Variants in ROCK1 observed in about 807,000 individuals in gnomAD.
ROCK1 encodes rho-associated protein kinase 1.
In ROCK1, 36 loss-of-function variants were observed where a neutral mutation model predicts 196.8. The ratio of observed to expected loss-of-function variants is 0.18; its 90% CI spans 0.14 to 0.24. The LOEUF (loss-of-function observed/expected upper bound fraction) is 0.24. Among genes scored for constraint, ROCK1 ranks in the 10% least tolerant of loss-of-function variants. The probability of loss-of-function intolerance (pLI) is 1.00; values close to 1 mark genes in which losing one functional copy is unlikely to be tolerated. For missense variants in ROCK1, 920 were observed against 1,562.0 expected (o/e 0.59, Z 6.93); for synonymous variants, 443 against 515.9 (o/e 0.86, Z 1.91).
At chr18:20,998,560 C>T (rs918032288) in intron 16 of ROCK1, among the ~76,000 whole-genome samples, 1 of 151,100 alleles carries the variant, frequency 6.6e-6, no homozygotes, top group Non-Finnish European at 1.5e-5. Flanking sequence ...AAATAAAAGC[C>T]CAGGACTGAA....
At chr18:21,110,406 C>G (rs1000272020) in intron 1 of ROCK1, among the ~76,000 whole-genome samples, 1 of 151,616 alleles carries the variant, frequency 6.6e-6, no homozygotes, top group Non-Finnish European at 1.5e-5. Flanking sequence ...AGCTAAATCG[C>G]AAAAAGGAAA....
intron 21 of ROCK1, among the ~76,000 whole-genome samples, chr18:20,980,594 A>T (rs565550807): frequency 6.6e-6 from 1 of 152,200 alleles, no homozygotes; most frequent in Non-Finnish European, 1.5e-5. Context: ...ACTAACCAGT[A>T]CACTTAAAAT....
chr18:20,954,671 A>G, intron 31 of ROCK1, 112 bp downstream of exon 31: 1 of 1,100,912 alleles, frequency 9.1e-7, no homozygotes, highest in Non-Finnish European at 1.3e-6. Context: ...TCAAAATAAT[A>G]CTTTCTATAA....
intron 16 of ROCK1, among the ~76,000 whole-genome samples, chr18:20,994,772 C>G (rs1341131593): frequency 6.6e-6 from 1 of 152,142 alleles, no homozygotes; most frequent in Non-Finnish European, 1.5e-5. Context: ...CTCATTTACT[C>G]TGTCTGAAAA....
At position 21,027,983 on chromosome 18, in the gene ROCK1, G is replaced by A. The variant is rs1306170931; in HGVS notation, c.1211+793C>T. The stretch of plus-strand genomic sequence containing the variant: ...TCACCGTGTTAGCCAGGATGGTCTC[G>A]ATCTCCTGACCTCGTGATCCGCCCG... On this transcript the variant is annotated intron_variant, in intron 10 of 32. Transcript: ENST00000399799. 4.8e-5 allele frequency among the ~76,000 whole-genome samples: 7 copies of A among 144,840 alleles called. No individual in the cohort carries two copies. In the South Asian group the frequency reaches 6.5e-4, roughly 14 times the overall value.
intron 2 of ROCK1, among the ~76,000 whole-genome samples, chr18:21,061,051 GACA>G (rs2036285549): frequency 6.6e-6 from 1 of 151,084 alleles, no homozygotes; most frequent in South Asian, 2.1e-4. Context: ...ACACAACATG[GACA>G]ACATGAAGGA....
rs887191514 is a variant in ROCK1 at position 20,949,469 on chromosome 18, A to T, written c.*1915T>A. 1.3e-5 allele frequency: 2 copies of T among 152,374 alleles called. No homozygotes were observed. Among genetic ancestry groups the T allele is most frequent in the African/African-American group, 4.8e-5 (2 of 41,476 alleles). 9.4% of individuals were successfully genotyped at this position (152,374 alleles called of 1,614,324 possible). A position where few individuals can be genotyped will look rare whatever the true frequency, so the allele number is the denominator to read the frequency against. On this transcript the variant is annotated 3_prime_UTR_variant, in exon 33 of 33. Coordinates refer to ENST00000399799, the MANE Select transcript of ROCK1 (RefSeq NM_005406.3). The stretch of plus-strand genomic sequence containing the variant: ...AGTGGCCCAGGTGGGTGCTGAGCAC[A>T]CAGTGGGTTTGCATCATAGGTGGGA...
At chr18:20,984,779 C>A (rs1342194417) in intron 19 of ROCK1, among the ~76,000 whole-genome samples, 1 of 151,822 alleles carries the variant, frequency 6.6e-6, no homozygotes, top group South Asian at 2.1e-4. Flanking sequence ...TCCTTTCTAC[C>A]CCAATCAGCA....
In ROCK1 at chr18:20,947,322, G is replaced by C. The variant is rs1214854797; in HGVS notation, c.*4062C>G. 6.6e-6 allele frequency: 1 copy of C among 151,860 alleles called. No homozygotes were observed. Among genetic ancestry groups the C allele is most frequent in the Non-Finnish European group, 1.5e-5 (1 of 67,988 alleles). 9.4% of individuals were successfully genotyped at this position (151,860 alleles called of 1,614,324 possible). A position where few individuals can be genotyped will look rare whatever the true frequency, so the allele number is the denominator to read the frequency against. ...GAAGGAATTGGTGGGGTGGGGTGGG[G>C]TTTAGGAAGTGCAGACTGACTTTCT... On this transcript the variant is annotated 3_prime_UTR_variant, in exon 33 of 33. Coordinates refer to ENST00000399799, the MANE Select transcript of ROCK1 (RefSeq NM_005406.3).
intron 29 of ROCK1, among the ~76,000 whole-genome samples, chr18:20,959,081 T>TATAATATATATAATATATATA (rs2035289336): frequency 5.2e-5 from 2 of 38,126 alleles, no homozygotes; most frequent in Non-Finnish European, 7.9e-5. Context: ...ATATAATATA[T>TATAATATATATAATATATATA]ATATTTTATA....
At chr18:21,005,208 T>C (rs2035758526) in intron 16 of ROCK1, among the ~76,000 whole-genome samples, 1 of 152,218 alleles carries the variant, frequency 6.6e-6, no homozygotes. Context: ...TATTACTATT[T>C]AAAAACTGTT....
intron 16 of ROCK1, among the ~76,000 whole-genome samples, chr18:21,005,777 T>C (rs573888107): frequency 2.7e-4 from 41 of 152,190 alleles, no homozygotes; most frequent in African/African-American, 8.7e-4. Context: ...CTCAGGAGGT[T>C]GAGGTGGGAG....
At position 20,949,962 on chromosome 18, in the gene ROCK1, C is replaced by T. The variant is rs910211000; in HGVS notation, c.*1422G>A. 5 of 152,574 alleles carry T rather than the reference C, an allele frequency of 3.3e-5. No individual in the cohort carries two copies. The highest frequency in any genetic ancestry group is 7.4e-5 in the Non-Finnish European group (5 of 68,022). The allele number at this position is 152,574 out of a possible 1,614,324, so 9.5% of individuals were successfully genotyped here. On this transcript the variant is annotated 3_prime_UTR_variant, in exon 33 of 33. Coordinates refer to ENST00000399799, the MANE Select transcript of ROCK1 (RefSeq NM_005406.3). The stretch of plus-strand genomic sequence containing the variant: ...ACAGATATGTTTATTATTACATATC[C>T]ATCAGTGCGGCTTTCAATACCACTT...
chr18:21,110,793 A>T, intron 1 of ROCK1, 25 bp downstream of exon 1: 1 of 1,592,916 alleles, frequency 6.3e-7, no homozygotes, highest in Non-Finnish European at 8.6e-7. Flanking sequence ...ACCCCAGACA[A>T]GCAAAAGAGA....
At chr18:21,075,532 T>A (rs1182399119) in intron 1 of ROCK1, among the ~76,000 whole-genome samples, 6 of 152,120 alleles carry the variant, frequency 3.9e-5, no homozygotes. Flanking sequence ...GGGACTACAA[T>A]ACAGATTTGG....
chr18:21,019,339 G>A (rs8097942), intron 12 of ROCK1, among the ~76,000 whole-genome samples: 248 of 152,194 alleles, frequency 1.6e-3, no homozygotes, highest in African/African-American at 5.2e-3. Context: ...ATTTTCAGTA[G>A]AGATGCGGTT....
chr18:21,049,034 T>C, intron 4 of ROCK1, 58 bp downstream of exon 4: 1 of 1,409,310 alleles, frequency 7.1e-7, no homozygotes, highest in Non-Finnish European at 9.4e-7. Context: ...ACTAAGCTTC[T>C]CAGACATGTT....
intron 8 of ROCK1, 25 bp downstream of exon 8, chr18:21,042,072 C>G (rs748637398): frequency 5.7e-6 from 9 of 1,590,292 alleles, no homozygotes; most frequent in South Asian, 1.2e-5. Flanking sequence ...AGAATTAATA[C>G]AGGCTCAGTT....
intron 8 of ROCK1, among the ~76,000 whole-genome samples, chr18:21,040,683 T>C (rs2143501536): frequency 6.6e-6 from 1 of 152,310 alleles, no homozygotes; most frequent in South Asian, 2.1e-4. Flanking sequence ...TATCTCATGG[T>C]AATTAGCTGT....
Sources: gnomAD v4.1 joint callset for allele counts (sites outside exome capture counted in the v4.1 genomes callset) on GRCh38, gnomAD v4.1.1 for gene constraint, MANE v1.5 for transcripts, NCBI Gene and HGNC (gene_info 2026-07-23, HGNC 2026-07-21) for gene names.